The following DLG2 variants were observed in gnomAD, a reference collection of about 807,000 sequenced individuals.
DLG2 encodes the protein disks large homolog 2.
DLG2 carries 45 observed loss-of-function variants against 132.5 expected under a neutral mutation model. That is an observed-to-expected ratio of 0.34 (90% confidence interval 0.27 to 0.44). The LOEUF (loss-of-function observed/expected upper bound fraction) is 0.44. Ranked by LOEUF, DLG2 falls within the 20% of genes least tolerant of loss-of-function variation. The probability of loss-of-function intolerance (pLI) is 1.00; values close to 1 mark genes in which losing one functional copy is unlikely to be tolerated. For synonymous variants in DLG2, 424 were observed against 419.6 expected (o/e 1.01, Z -0.13); for missense variants, 1,045 against 1,196.9 (o/e 0.87, Z 1.87).
intron 9 of DLG2, among the ~76,000 whole-genome samples, chr11:84,136,009 C>T (rs1161079477): frequency 6.6e-6 from 1 of 151,978 alleles, no homozygotes; most frequent in Non-Finnish European, 1.5e-5. Context: ...ATTTATAGGA[C>T]CTAGTGGCTG....
intron 3 of DLG2, among the ~76,000 whole-genome samples, chr11:85,419,172 T>C (rs1228227035): frequency 6.6e-6 from 1 of 152,228 alleles, no homozygotes; most frequent in Non-Finnish European, 1.5e-5. Context: ...TATTTCTCCT[T>C]CGCTTATGAA....
rs183831397 is a variant in DLG2, at chr11:84,192,526, C to T, written c.574-29015G>A. On this transcript the variant is annotated intron_variant, in intron 8 of 27. Coordinates refer to ENST00000376104, the MANE Select transcript of DLG2 (RefSeq NM_001142699.3). ...CAGGTGGATCATGAGGTCAAGAGAT[C>T]GAGATAATCCTGGCTAACATGGTGA... Among the ~76,000 whole-genome samples the T allele has an allele frequency of 3.2e-3, 483 of 152,138 alleles. 3 individuals carry two copies. The highest frequency in any genetic ancestry group is 1.9e-3 in the Non-Finnish European group (128 of 67,982).
intron 6 of DLG2, among the ~76,000 whole-genome samples, chr11:84,721,096 A>G (rs1168382648): frequency 6.6e-6 from 1 of 151,570 alleles, no homozygotes; most frequent in Admixed American, 6.6e-5. Flanking sequence ...TTTGGCCCCC[A>G]CCGCTACAGC....
At chr11:83,515,887 G>A (rs1257351422) in intron 21 of DLG2, among the ~76,000 whole-genome samples, 7 of 152,014 alleles carry the variant, frequency 4.6e-5, no homozygotes, top group Non-Finnish European at 8.8e-5. Context: ...GTGGTCTGAG[G>A]GACAGTTTGT....
intron 3 of DLG2, among the ~76,000 whole-genome samples, chr11:85,449,875 C>T (rs2092167210): frequency 6.6e-6 from 1 of 151,276 alleles, no homozygotes; most frequent in Admixed American, 6.6e-5. Context: ...CGCCTGTAAT[C>T]CCAGCACTTT....
intron 18 of DLG2, among the ~76,000 whole-genome samples, chr11:83,764,696 C>T (rs193282431): frequency 2.6e-5 from 4 of 152,282 alleles, no homozygotes; most frequent in East Asian, 3.9e-4. Flanking sequence ...AAGTGCCTTT[C>T]CCAGGGTCTC....
At chr11:84,132,525 C>A (rs2094457828) in intron 9 of DLG2, among the ~76,000 whole-genome samples, 1 of 151,924 alleles carries the variant, frequency 6.6e-6, no homozygotes. Context: ...ACTGAAAAAA[C>A]TCTGTCACTG....
At chr11:84,505,820 T>C (rs541979693) in intron 7 of DLG2, among the ~76,000 whole-genome samples, 1 of 152,122 alleles carries the variant, frequency 6.6e-6, no homozygotes, top group South Asian at 2.1e-4. Flanking sequence ...AAGATTAGAA[T>C]GAAAAACAAA....
At chr11:85,105,127 T>C (rs924326724) in intron 6 of DLG2, among the ~76,000 whole-genome samples, 2 of 151,978 alleles carry the variant, frequency 1.3e-5, no homozygotes, top group Non-Finnish European at 2.9e-5. Context: ...CCTCCATTTC[T>C]TTGCTCAGGG....
At chr11:84,243,042 C>T (rs907908244) in intron 8 of DLG2, among the ~76,000 whole-genome samples, 1 of 139,648 alleles carries the variant, frequency 7.2e-6, no homozygotes, top group Non-Finnish European at 1.5e-5. Flanking sequence ...TATATATACA[C>T]TCTCACATAT....
At chr11:84,092,122 CT>C (rs1037895955) in intron 10 of DLG2, among the ~76,000 whole-genome samples, 3 of 152,174 alleles carry the variant, frequency 2.0e-5, no homozygotes, top group Admixed American at 6.5e-5. Flanking sequence ...TGTGAAGTCC[CT>C]TTTGCCATAT....
At chr11:84,191,524 A>T (rs1483045742) in intron 8 of DLG2, among the ~76,000 whole-genome samples, 1 of 152,224 alleles carries the variant, frequency 6.6e-6, no homozygotes. Flanking sequence ...ACCTCGCCCA[A>T]ACTTCCTCAA....
Position 85,502,221 on chromosome 11 carries a change from G to C in DLG2, c.40+96436C>G, listed in dbSNP as rs539878612. On this transcript the variant is annotated intron_variant, in intron 3 of 27. Transcript: ENST00000376104. ...TTCATAAGTGGGAGTTGAACAATGAGAACACATGGAGACAGGGAGGGGAAC... is the reference window on the plus strand; with the variant it reads ...TTCATAAGTGGGAGTTGAACAATGACAACACATGGAGACAGGGAGGGGAAC... Among the ~76,000 whole-genome samples, 72 of 152,138 alleles carry C rather than the reference G, an allele frequency of 4.7e-4. 1 individual carries two copies. The highest frequency in any genetic ancestry group is 1.6e-3 in the African/African-American group (66 of 41,510).
intron 17 of DLG2, among the ~76,000 whole-genome samples, chr11:83,804,546 C>G (rs1389677205): frequency 1.3e-5 from 2 of 149,682 alleles, no homozygotes; most frequent in African/African-American, 2.5e-5. Flanking sequence ...CCTTCTCACT[C>G]TCTCCACTTA....
chr11:84,883,577 TCTC>T (rs1369526618), intron 6 of DLG2, among the ~76,000 whole-genome samples: 1 of 152,044 alleles, frequency 6.6e-6, no homozygotes, highest in Non-Finnish European at 1.5e-5. Context: ...TTCCTCCACT[TCTC>T]CTCACTAATT....
intron 3 of DLG2, among the ~76,000 whole-genome samples, chr11:85,534,346 A>AT (rs202046471): frequency 1.2e-4 from 18 of 152,154 alleles, no homozygotes; most frequent in South Asian, 1.0e-3. Flanking sequence ...ATGAAATATA[A>AT]TTTTTTTTAA....
At chr11:85,353,530 C>A (rs368802939) in intron 3 of DLG2, among the ~76,000 whole-genome samples, 9 of 152,262 alleles carry the variant, frequency 5.9e-5, no homozygotes, top group African/African-American at 2.2e-4. Context: ...TATAAAGACA[C>A]GTGCACACAT....
chr11:84,075,633 T>C (rs1248474163), intron 10 of DLG2, among the ~76,000 whole-genome samples: 1 of 152,174 alleles, frequency 6.6e-6, no homozygotes, highest in Non-Finnish European at 1.5e-5. Flanking sequence ...AGCAATTCTC[T>C]ATGCAACAGA....
intron 18 of DLG2, among the ~76,000 whole-genome samples, chr11:83,764,604 T>C (rs1593924537): frequency 7.1e-6 from 1 of 140,702 alleles, no homozygotes; most frequent in Non-Finnish European, 1.5e-5. Flanking sequence ...AACATTAACC[T>C]ACTTAATCTT....
Sources: gnomAD v4.1 joint callset for allele counts (sites outside exome capture counted in the v4.1 genomes callset) on GRCh38, gnomAD v4.1.1 for gene constraint, MANE v1.5 for transcripts, NCBI Gene and HGNC (gene_info 2026-07-23, HGNC 2026-07-21) for gene names.